BMPR1B: variants seen among roughly 807,000 people sequenced by gnomAD.
The protein encoded by BMPR1B is bone morphogenetic protein receptor type-1B.
Under a neutral mutation model 59.1 loss-of-function variants are expected in BMPR1B, and 12 were observed. That is an observed-to-expected ratio of 0.20 (90% CI 0.13 to 0.33). BMPR1B has a LOEUF of 0.33. Among genes scored for constraint, BMPR1B ranks in the 10% least tolerant of loss-of-function variants. The probability of loss-of-function intolerance (pLI) is 1.00; values close to 1 mark genes in which losing one functional copy is unlikely to be tolerated. For missense variants in BMPR1B, 550 were observed against 610.9 expected (o/e 0.90, Z 1.05); for synonymous variants, 237 against 207.3 (o/e 1.14, Z -1.23).
intron 2 of BMPR1B, among the ~76,000 whole-genome samples, chr4:94,903,527 T>TA (rs34152934): frequency 0.12 from 18,506 of 151,034 alleles, 1,212 homozygotes; most frequent in South Asian, 0.14. Context: ...TTTTTTTTTT[T>TA]AAAAAGACAA....
chr4:95,056,622 C>G (rs1249520678), intron 3 of BMPR1B, among the ~76,000 whole-genome samples: 1 of 152,124 alleles, frequency 6.6e-6, no homozygotes, highest in African/African-American at 2.4e-5. Flanking sequence ...TGCGTCTGCT[C>G]CCTTCTTTTC....
intron 1 of BMPR1B, among the ~76,000 whole-genome samples, chr4:94,791,798 TCTTC>T (rs1722997325): frequency 1.3e-5 from 2 of 152,128 alleles, no homozygotes; most frequent in South Asian, 4.1e-4. Flanking sequence ...TTTCCCTCTT[TCTTC>T]CTTACGCTCC....
intron 2 of BMPR1B, among the ~76,000 whole-genome samples, chr4:94,980,378 C>T (rs1005085568): frequency 6.6e-6 from 1 of 152,122 alleles, no homozygotes; most frequent in African/African-American, 2.4e-5. Context: ...TGGTAAATTC[C>T]TCTGTGATAT....
At chr4:95,010,469 C>T (rs188081835) in intron 3 of BMPR1B, among the ~76,000 whole-genome samples, 60 of 152,262 alleles carry the variant, frequency 3.9e-4, no homozygotes, top group Non-Finnish European at 7.2e-4. Flanking sequence ...TTTGGTTCTC[C>T]ATTCCCTCCT....
intron 1 of BMPR1B, among the ~76,000 whole-genome samples, chr4:94,866,465 A>C (rs981497198): frequency 2.6e-5 from 4 of 152,024 alleles, no homozygotes; most frequent in Non-Finnish European, 5.9e-5. Flanking sequence ...CTCCTTTAGC[A>C]TCTCTTTTCC....
intron 1 of BMPR1B, among the ~76,000 whole-genome samples, chr4:94,822,751 T>C (rs1369560139): frequency 6.6e-6 from 1 of 152,160 alleles, no homozygotes; most frequent in East Asian, 1.9e-4. Flanking sequence ...ATTCCAGGAA[T>C]GCACTCTGAC....
intron 1 of BMPR1B, among the ~76,000 whole-genome samples, chr4:94,842,518 G>A (rs1303409751): frequency 1.3e-5 from 2 of 151,902 alleles, no homozygotes; most frequent in Non-Finnish European, 2.9e-5. Context: ...GGATTAACCA[G>A]TTCTTGGATA....
intron 1 of BMPR1B, among the ~76,000 whole-genome samples, chr4:94,763,381 CAGTAAAT>C (rs145603379): frequency 7.1e-4 from 108 of 152,270 alleles, no homozygotes; most frequent in African/African-American, 2.5e-3. Context: ...AGTAGGCATT[CAGTAAAT>C]AGTTGTGCAG....
At chr4:95,082,729 A>G (rs1027459358) in intron 3 of BMPR1B, among the ~76,000 whole-genome samples, 18 of 152,282 alleles carry the variant, frequency 1.2e-4, no homozygotes, top group Admixed American at 1.0e-3. Flanking sequence ...AAAAGAGTAC[A>G]TGTAAGTGAA....
At chr4:94,997,989 A>G (rs1722175465) in intron 3 of BMPR1B, among the ~76,000 whole-genome samples, 1 of 152,202 alleles carries the variant, frequency 6.6e-6, no homozygotes, top group East Asian at 1.9e-4. Flanking sequence ...CAAGGCAAGC[A>G]AATAAAGAAC....
At chr4:94,828,083 CCTTACACATT>C (rs1724447560) in intron 1 of BMPR1B, among the ~76,000 whole-genome samples, 1 of 152,112 alleles carries the variant, frequency 6.6e-6, no homozygotes, top group Non-Finnish European at 1.5e-5. Flanking sequence ...CATTCCATTG[CCTTACACATT>C]TTATTCGTAA....
At chr4:94,786,185 G>A (rs1722756894) in intron 1 of BMPR1B, among the ~76,000 whole-genome samples, 1 of 152,192 alleles carries the variant, frequency 6.6e-6, no homozygotes, top group Non-Finnish European at 1.5e-5. Flanking sequence ...TGGAATATAA[G>A]GTTCTGCTGG....
At chr4:95,078,919 G>A (rs372507577) in intron 3 of BMPR1B, among the ~76,000 whole-genome samples, 70 of 151,994 alleles carry the variant, frequency 4.6e-4, no homozygotes, top group African/African-American at 1.6e-3. Flanking sequence ...CACCACACCT[G>A]GTTAATTTTT....
rs1390878644 is a variant in BMPR1B at position 95,124,877 on chromosome 4, A to C, written c.447-106A>C. ...AAATATGAAGCATTTAATGTATTAT[A>C]TTTAGGTGCTAAAATAAAACTGCTG... On this transcript the variant is annotated intron_variant, in intron 7 of 12. Coordinates refer to ENST00000515059, the MANE Select transcript of BMPR1B (RefSeq NM_001203.3). 52 of 1,047,086 alleles carry C rather than the reference A, an allele frequency of 5.0e-5. 1 individual carries two copies. Among genetic ancestry groups the C allele is most frequent in the Non-Finnish European group, 5.8e-6 (4 of 690,406 alleles). 64.9% of individuals were successfully genotyped at this position (1,047,086 alleles called of 1,614,324 possible).
chr4:94,927,728 A>C (rs921372738), intron 2 of BMPR1B, among the ~76,000 whole-genome samples: 10 of 152,136 alleles, frequency 6.6e-5, no homozygotes, highest in African/African-American at 2.2e-4. Flanking sequence ...GCAGGGGAGA[A>C]CCATTGAAAG....
chr4:95,001,863 C>A (rs1026546685), intron 3 of BMPR1B, among the ~76,000 whole-genome samples: 11 of 152,120 alleles, frequency 7.2e-5, no homozygotes, highest in South Asian at 2.1e-4. Flanking sequence ...TCTATTCCCA[C>A]CACTCCCAAA....
intron 2 of BMPR1B, among the ~76,000 whole-genome samples, chr4:94,946,292 G>A (rs1022992426): frequency 9.2e-5 from 14 of 152,140 alleles, no homozygotes; most frequent in Middle Eastern, 3.4e-3. Context: ...TAAAGTATTC[G>A]TTTTTCTTTC....
At chr4:95,081,867 G>A (rs549777773) in intron 3 of BMPR1B, among the ~76,000 whole-genome samples, 2 of 152,242 alleles carry the variant, frequency 1.3e-5, no homozygotes, top group South Asian at 2.1e-4. Flanking sequence ...CAAACATCCA[G>A]TTTCTTCTGT....
At chr4:95,036,435 T>C (rs920056139) in intron 3 of BMPR1B, among the ~76,000 whole-genome samples, 2 of 152,192 alleles carry the variant, frequency 1.3e-5, no homozygotes, top group African/African-American at 4.8e-5. Flanking sequence ...TTTTAGTTTT[T>C]AGCTTTCACA....
Sources: gnomAD v4.1 joint callset for allele counts (sites outside exome capture counted in the v4.1 genomes callset) on GRCh38, gnomAD v4.1.1 for gene constraint, MANE v1.5 for transcripts, NCBI Gene and HGNC (gene_info 2026-07-23, HGNC 2026-07-21) for gene names.